Variants in CEP350 observed in about 807,000 individuals in gnomAD.
CEP350 encodes centrosome-associated protein 350.
CEP350 carries 126 observed loss-of-function variants against 331.8 expected under a neutral mutation model. That is an observed-to-expected ratio of 0.38 (90% confidence interval 0.33 to 0.44). The LOEUF (loss-of-function observed/expected upper bound fraction) is 0.44. CEP350 is among the 20% of genes least tolerant of loss of function. CEP350 has a pLI of 1.00. For synonymous variants in CEP350, 1,200 were observed against 1,259.5 expected, an observed-to-expected ratio of 0.95 and a Z score of 1.00; for missense variants, 3,406 against 3,634.6, an observed-to-expected ratio of 0.94 and a Z score of 1.62.
chr1:180,033,738 C>A, intron 15 of CEP350, 124 bp from the exon 16 acceptor site: 1 of 921,738 alleles, frequency 1.1e-6, no homozygotes, highest in Non-Finnish European at 1.6e-6. Context: ...TGAATAAATG[C>A]CTAAATCACA....
At chr1:180,018,779 A>T (rs938803575) in intron 11 of CEP350, among the ~76,000 whole-genome samples, 7 of 152,038 alleles carry the variant, frequency 4.6e-5, no homozygotes, top group Non-Finnish European at 1.0e-4. Flanking sequence ...CAAGTTTGAT[A>T]AGCATATCTT....
intron 37 of CEP350, among the ~76,000 whole-genome samples, chr1:180,102,922 C>T (rs773644611): frequency 2.0e-4 from 30 of 152,108 alleles, no homozygotes; most frequent in Non-Finnish European, 3.8e-4. Flanking sequence ...AGAAAATTAA[C>T]GACACAGACA....
At chr1:179,987,480 T>C (rs1652718373) in intron 3 of CEP350, among the ~76,000 whole-genome samples, 194 bp downstream of exon 3, 1 of 147,876 alleles carries the variant, frequency 6.8e-6, no homozygotes, top group Non-Finnish European at 1.5e-5. Flanking sequence ...ATACAGTATA[T>C]ACTTATATAC....
intron 1 of CEP350, among the ~76,000 whole-genome samples, chr1:179,984,992 G>A (rs1045844219): frequency 2.0e-5 from 3 of 151,358 alleles, no homozygotes; most frequent in Non-Finnish European, 4.4e-5. Context: ...TTTTTTTATT[G>A]TGGTAACATA....
intron 1 of CEP350, among the ~76,000 whole-genome samples, chr1:179,976,819 T>C (rs946264859): frequency 2.0e-5 from 3 of 152,178 alleles, no homozygotes; most frequent in Non-Finnish European, 4.4e-5. Context: ...CTGTGGGTTT[T>C]TATCTTTTAT....
intron 23 of CEP350, among the ~76,000 whole-genome samples, chr1:180,053,457 A>G (rs1451995774): frequency 6.6e-6 from 1 of 152,186 alleles, no homozygotes; most frequent in Non-Finnish European, 1.5e-5. Flanking sequence ...TTAGAAATTT[A>G]CATTCGTTCT....
At chr1:180,046,866 C>T (rs368873710) in intron 21 of CEP350, among the ~76,000 whole-genome samples, 6 of 152,308 alleles carry the variant, frequency 3.9e-5, no homozygotes, top group Admixed American at 2.0e-4. Flanking sequence ...CATATAACTA[C>T]TAATTGGTAG....
At chr1:180,097,184 G>A (rs1660530490) in intron 36 of CEP350, among the ~76,000 whole-genome samples, 1 of 152,198 alleles carries the variant, frequency 6.6e-6, no homozygotes, top group South Asian at 2.1e-4. Context: ...GCCCCTGTAT[G>A]TTTTTATAAA....
intron 27 of CEP350, chr1:180,073,701 C>A: frequency 1.9e-6 from 2 of 1,069,262 alleles, no homozygotes; most frequent in East Asian, 6.1e-5. Flanking sequence ...ATTAAAAGTT[C>A]TTCACTCAGC....
chr1:180,062,388 T>C, intron 26 of CEP350, 22 bp downstream of exon 26: 2 of 1,567,522 alleles, frequency 1.3e-6, no homozygotes, highest in South Asian at 1.2e-5. Flanking sequence ...GAAGTTATTA[T>C]TTGTTTCCTG....
At chr1:179,955,454 G>C (rs1354294295) in intron 1 of CEP350, among the ~76,000 whole-genome samples, 2 of 152,188 alleles carry the variant, frequency 1.3e-5, no homozygotes, top group East Asian at 3.9e-4. Context: ...CCGGAGAAGT[G>C]TCCCTTCTTC....
At position 180,014,268 on chromosome 1, in the gene CEP350, G is replaced by A. The variant is rs1654833661; in HGVS notation, c.1815G>A (p.Glu605=). 1 of 1,605,692 alleles carries A rather than the reference G, an allele frequency of 6.2e-7. No homozygotes were observed. The highest frequency in any genetic ancestry group is 8.5e-7 in the Non-Finnish European group (1 of 1,176,022). ...GACAGTACATTGTTAGGCAGCAGGA[G>A]GAAAGGAAGAGAAAGCAAAATGAAG... The part of the protein sequence containing the change: ...EVRQYIVRQQ[E]ERKRKQNEEK... The change falls in exon 10 of 38, where the codon GAG becomes GAA. Residue 605 remains glutamate (E), a synonymous_variant. Coordinates refer to ENST00000367607, the MANE Select transcript of CEP350 (RefSeq NM_014810.5).
At chr1:179,960,010 T>G (rs1650469990) in intron 1 of CEP350, among the ~76,000 whole-genome samples, 1 of 152,140 alleles carries the variant, frequency 6.6e-6, no homozygotes, top group South Asian at 2.1e-4. Flanking sequence ...ACCTCTAATA[T>G]TAAACATTGA....
chr1:180,007,745 G>A (rs1403063830), intron 8 of CEP350, among the ~76,000 whole-genome samples: 2 of 151,514 alleles, frequency 1.3e-5, no homozygotes, highest in Non-Finnish European at 2.9e-5. Flanking sequence ...TAGGTCTTAC[G>A]TTTAAGTCTT....
intron 37 of CEP350, among the ~76,000 whole-genome samples, chr1:180,099,251 T>A (rs1168114519): frequency 6.6e-6 from 1 of 152,192 alleles, no homozygotes; most frequent in East Asian, 1.9e-4. Context: ...AGGTAGTGAA[T>A]TGAAAAGAGA....
chr1:179,997,061 C>T lies in CEP350; in HGVS notation c.904C>T (p.Arg302Trp), dbSNP rs565023645. Residue 302 changes from arginine to tryptophan, a missense_variant, in exon 6 of 38, where the codon CGG becomes TGG. Coordinates refer to ENST00000367607, the MANE Select transcript of CEP350 (RefSeq NM_014810.5). ...GGAACACTCAGAAGAAACAAATGGC[C>T]GGGGCCAGAAGCTGGGTCATATTGA... The part of the protein sequence containing the change: ...QWEHSEETNG[R>W]GQKLGHIDHP... The T allele has an allele frequency of 3.8e-5, 61 of 1,613,762 alleles. No individual in the cohort carries two copies. The highest frequency in any genetic ancestry group is 4.5e-5 in the Non-Finnish European group (53 of 1,179,880).
In CEP350 at chr1:179,996,845, A is replaced by G; in HGVS notation, c.688A>G (p.Lys230Glu). 2 of 1,613,832 alleles carry G rather than the reference A, an allele frequency of 1.2e-6. No individual in the cohort carries two copies. Among genetic ancestry groups the G allele is most frequent in the Non-Finnish European group, 1.7e-6 (2 of 1,179,778 alleles). Residue 230 changes from lysine (K) to glutamate (E), a missense_variant, in exon 6 of 38, where the codon AAA becomes GAA. Coordinates refer to ENST00000367607, the MANE Select transcript of CEP350 (RefSeq NM_014810.5). ...RTEEEMPNRT[K>E]GSENNLKLSV... ...TGAGGAAGAAATGCCTAACAGAACA[A>G]AAGGAAGTGAGAATAATTTGAAGCT... is the stretch of plus-strand genomic sequence containing the variant.
intron 6 of CEP350, among the ~76,000 whole-genome samples, chr1:180,002,019 C>A (rs1460883397): frequency 6.6e-6 from 1 of 152,184 alleles, no homozygotes. Flanking sequence ...AAAAGCTGCT[C>A]AGTATCATTA....
At chr1:180,060,398 C>CA (rs1322890020) in intron 25 of CEP350, among the ~76,000 whole-genome samples, 1 of 152,208 alleles carries the variant, frequency 6.6e-6, no homozygotes, top group Non-Finnish European at 1.5e-5. Context: ...CCTATAATCC[C>CA]AGTGCTTTGG....
Sources: allele counts gnomAD v4.1 joint callset (sites outside exome capture counted in the v4.1 genomes callset), GRCh38; gene constraint gnomAD v4.1.1; transcripts MANE v1.5; gene names NCBI Gene and HGNC (gene_info 2026-07-23, HGNC 2026-07-21).